UHRF1: variants seen among roughly 807,000 people sequenced by gnomAD.
UHRF1 encodes the protein E3 ubiquitin-protein ligase UHRF1.
Under a neutral mutation model 96.5 loss-of-function variants are expected in UHRF1, and 9 were observed. The observed-to-expected ratio is 0.09, with a 90% CI of 0.06 to 0.16. UHRF1 has a LOEUF of 0.16. Among genes scored for constraint, UHRF1 ranks in the 10% least tolerant of loss-of-function variants. The pLI is 1.00. For synonymous variants in UHRF1, 455 were observed against 469.9 expected (o/e 0.97, Z 0.41); for missense variants, 626 against 1,131.1 (o/e 0.55, Z 6.40).
At chr19:4,944,111 G>A in intron 7 of UHRF1, 21 bp from the exon 8 acceptor site, 1 of 1,612,890 alleles carries the variant, frequency 6.2e-7, no homozygotes, top group South Asian at 1.1e-5. Flanking sequence ...GGCGTGGGCA[G>A]TGACAATCCC....
At chr19:4,959,943 C>T (rs747298823) in intron 16 of UHRF1, among the ~76,000 whole-genome samples, 11 of 152,224 alleles carry the variant, frequency 7.2e-5, no homozygotes, top group Non-Finnish European at 1.5e-4. Flanking sequence ...TCACTGCAAC[C>T]TCCGCCTCCC....
Position 4,939,055 on chromosome 19 carries a change from AGGC to A in UHRF1, c.786-2471_786-2469del, listed in dbSNP as rs879284543. On this transcript the variant is annotated intron_variant, in intron 5 of 16. Coordinates refer to ENST00000650932, the MANE Select transcript of UHRF1 (RefSeq NM_001048201.3). The stretch of plus-strand genomic sequence containing the variant: ...TAGCCTCCCGAGTAGCTGGGATTAC[AGGC>A]GTGCTCCACTGCACCTGGCTCATTT... Among the ~76,000 whole-genome samples the A allele has an allele frequency of 2.3e-3, 348 of 151,296 alleles. 1 individual carries two copies. Among genetic ancestry groups the A allele is most frequent in the Non-Finnish European group, 3.8e-3 (257 of 67,836 alleles).
intron 6 of UHRF1, 31 bp downstream of exon 6, chr19:4,941,659 C>A (rs780648714): frequency 1.2e-6 from 2 of 1,601,066 alleles, no homozygotes; most frequent in East Asian, 2.3e-5. Context: ...TCCCCATCTT[C>A]CGCGGTGGGC....
intron 5 of UHRF1, among the ~76,000 whole-genome samples, chr19:4,939,076 G>T (rs191715972): frequency 0.044 from 6,435 of 146,398 alleles, 149 homozygotes; most frequent in Middle Eastern, 0.12. Context: ...ACTGCACCTG[G>T]CTCATTTTTT....
intron 2 of UHRF1, among the ~76,000 whole-genome samples, chr19:4,915,926 C>T (rs2602707): frequency 0.013 from 2,005 of 152,186 alleles, 45 homozygotes; most frequent in African/African-American, 0.045. Context: ...GGTTCTCAAA[C>T]GGATTTCAGG....
intron 7 of UHRF1, among the ~76,000 whole-genome samples, chr19:4,943,379 G>A (rs2145179692): frequency 6.6e-6 from 1 of 152,174 alleles, no homozygotes; most frequent in Non-Finnish European, 1.5e-5. Context: ...TGTGTTCCTG[G>A]CGCACATAAT....
At chr19:4,926,317 C>G (rs982156079) in intron 2 of UHRF1, among the ~76,000 whole-genome samples, 12 of 152,198 alleles carry the variant, frequency 7.9e-5, no homozygotes, top group Non-Finnish European at 1.6e-4. Context: ...TGCCACCTCT[C>G]CCCAAAGCCA....
intron 15 of UHRF1, among the ~76,000 whole-genome samples, chr19:4,955,061 C>T (rs2033820727): frequency 6.6e-6 from 1 of 152,028 alleles, no homozygotes; most frequent in African/African-American, 2.4e-5. Context: ...ACTCGCTCCC[C>T]AGCCCCGGCA....
intron 5 of UHRF1, among the ~76,000 whole-genome samples, chr19:4,935,648 A>AG (rs1438294861): frequency 1.3e-5 from 2 of 151,856 alleles, no homozygotes; most frequent in African/African-American, 4.8e-5. Context: ...ACTGATGTCA[A>AG]GCTAGCAAGG....
chr19:4,917,405 C>T (rs1207614645), intron 2 of UHRF1, among the ~76,000 whole-genome samples: 3 of 151,732 alleles, frequency 2.0e-5, no homozygotes, highest in Admixed American at 2.0e-4. Flanking sequence ...CCTGTAATCC[C>T]AGCACTTTGG....
intron 11 of UHRF1, among the ~76,000 whole-genome samples, chr19:4,947,490 CTTTTTTTTTTTTTTT>C (rs985069179): frequency 5.2e-5 from 3 of 57,888 alleles, no homozygotes; most frequent in South Asian, 8.0e-4. Context: ...TAATAGATAT[CTTTTTTTTTTTTTTT>C]TTTTTTTTTT....
Position 4,930,888 on chromosome 19 carries a change from C to T in UHRF1, c.569+12C>T. ...GTGAAATACGACGAGTGAGTCATGG[C>T]AGGTGGGCGGGCCTGGGTATTCAGG... On this transcript the variant is annotated intron_variant, in intron 4 of 16. Transcript: ENST00000650932. The surrounding 1 kb of genome is among the most constrained non-coding windows in gnomAD (Gnocchi z 4.4). The T allele has an allele frequency of 6.2e-7, 1 of 1,613,458 alleles. No individual in the cohort carries two copies. Among genetic ancestry groups the T allele is most frequent in the Non-Finnish European group, 8.5e-7 (1 of 1,179,636 alleles).
intron 2 of UHRF1, among the ~76,000 whole-genome samples, chr19:4,914,531 T>C (rs571613836): frequency 6.6e-6 from 1 of 151,982 alleles, no homozygotes; most frequent in South Asian, 2.1e-4. Flanking sequence ...TCACTTGGGC[T>C]GAATAGGGTG....
chr19:4,904,167 CTTTTTG>C (rs922644431), intron 1 of UHRF1, among the ~76,000 whole-genome samples: 6 of 151,096 alleles, frequency 4.0e-5, no homozygotes, highest in South Asian at 2.1e-4. Flanking sequence ...AATTTTTGTT[CTTTTTG>C]TTTTTGTTTT....
At chr19:4,909,139 C>G (rs2032143552), upstream of UHRF1, 1 of 262,846 alleles carries the variant, frequency 3.8e-6, no homozygotes, top group East Asian at 8.5e-5. Flanking sequence ...TTGATTCCGG[C>G]CTTCTTAGAC....
chr19:4,916,625 C>T (rs979041032), intron 2 of UHRF1, among the ~76,000 whole-genome samples: 3 of 152,010 alleles, frequency 2.0e-5, no homozygotes, highest in African/African-American at 4.8e-5. Flanking sequence ...GGGATGCCCT[C>T]GCGGCGCCGT....
Position 4,913,086 on chromosome 19 carries a change from G to A in UHRF1, c.153+2048G>A, listed in dbSNP as rs78638265. Among the ~76,000 whole-genome samples the A allele has an allele frequency of 2.0e-4, 31 of 152,094 alleles. 1 individual carries two copies. Among genetic ancestry groups the A allele is most frequent in the African/African-American group, 7.2e-4 (30 of 41,484 alleles). ...TTTGTCTATAGTGAAACAGATGTTA[G>A]ACAGACTGAATAATTTTGACAAATG... is the stretch of plus-strand genomic sequence containing the variant. On this transcript the variant is annotated intron_variant, in intron 2 of 16. Coordinates refer to ENST00000650932, the MANE Select transcript of UHRF1 (RefSeq NM_001048201.3).
intron 5 of UHRF1, among the ~76,000 whole-genome samples, chr19:4,934,856 C>T (rs1028310105): frequency 1.3e-5 from 2 of 152,034 alleles, no homozygotes; most frequent in South Asian, 2.1e-4. Flanking sequence ...GCCTTAAGCG[C>T]GTGGCTCGGG....
chr19:4,929,503 G>A (rs1214255982), intron 3 of UHRF1, 27 bp downstream of exon 3: 1 of 1,594,024 alleles, frequency 6.3e-7, no homozygotes. Context: ...CAGCTGCTCT[G>A]GGGTTGGACG....
Sources: gnomAD v4.1 joint callset for allele counts (sites outside exome capture counted in the v4.1 genomes callset) on GRCh38, gnomAD v4.1.1 for gene constraint, Gnocchi (gnomAD v3.1) non-coding constraint, MANE v1.5 for transcripts, NCBI Gene and HGNC (gene_info 2026-07-23, HGNC 2026-07-21) for gene names.